Variants in GNB1 observed in about 807,000 individuals in gnomAD.
GNB1 encodes G protein subunit beta 1.
Under a neutral mutation model 42.9 loss-of-function variants are expected in GNB1, and 2 were observed. The observed-to-expected ratio is 0.05, with a 90% CI of 0.02 to 0.15. The LOEUF (loss-of-function observed/expected upper bound fraction) is 0.15, where lower values mean the gene tolerates loss of function less well. Among genes scored for constraint, GNB1 ranks in the 10% least tolerant of loss-of-function variants. The pLI is 1.00. For synonymous variants in GNB1, 183 were observed against 174.7 expected, an observed-to-expected ratio of 1.05 and a Z score of -0.38; for missense variants, 193 against 462.2, an observed-to-expected ratio of 0.42 and a Z score of 5.34.
At chr1:1,888,569 G>A (rs1435339258) in intron 1 of GNB1, among the ~76,000 whole-genome samples, 4 of 152,172 alleles carry the variant, frequency 2.6e-5, no homozygotes, top group East Asian at 3.8e-4. Flanking sequence ...TGGGCGCGGT[G>A]GCTCACGCTC....
chr1:1,790,990 C>CT lies in GNB1; in HGVS notation c.498-395dup, dbSNP rs1390425432. Among the ~76,000 whole-genome samples, 4 of 152,202 alleles carry CT rather than the reference C, an allele frequency of 2.6e-5. No individual in the cohort carries two copies. The highest frequency in any genetic ancestry group is 1.3e-4 in the Admixed American group (2 of 15,284). On this transcript the variant is annotated intron_variant, in intron 8 of 11. Transcript: ENST00000378609. This position sits in a 1 kb window ranked among gnomAD's most constrained non-coding sequence, Gnocchi z 5.4. ...CCTGGATGGCGGAGGGGACGCGACT[C>CT]TATCTGTGGCTGCTCCCTCTGTGCC...
intron 1 of GNB1, among the ~76,000 whole-genome samples, chr1:1,854,263 T>C (rs1353244651): frequency 2.0e-5 from 3 of 152,216 alleles, no homozygotes; most frequent in Non-Finnish European, 4.4e-5. Flanking sequence ...TGGAGAAATC[T>C]GAGCGGGGTC....
intron 5 of GNB1, among the ~76,000 whole-genome samples, chr1:1,815,421 T>C (rs980175262): frequency 3.3e-5 from 5 of 152,132 alleles, no homozygotes; most frequent in African/African-American, 1.2e-4. Flanking sequence ...GAGAGGTAAC[T>C]TCCCCAAGTT....
intron 5 of GNB1, among the ~76,000 whole-genome samples, chr1:1,808,134 A>T (rs1646726788): frequency 6.6e-6 from 1 of 151,992 alleles, no homozygotes; most frequent in African/African-American, 2.4e-5. Context: ...CCTCCAAAGT[A>T]GCTGGGATTA....
At chr1:1,845,667 T>C (rs1364226990) in intron 1 of GNB1, among the ~76,000 whole-genome samples, 3 of 151,912 alleles carry the variant, frequency 2.0e-5, no homozygotes, top group Non-Finnish European at 2.9e-5. Flanking sequence ...AGCGAAGATA[T>C]GGTTATTTGG....
At chr1:1,846,529 T>C (rs1647676927) in intron 1 of GNB1, among the ~76,000 whole-genome samples, 1 of 152,132 alleles carries the variant, frequency 6.6e-6, no homozygotes, top group African/African-American at 2.4e-5. Context: ...ATCATGCCAC[T>C]GCACTCCAGG....
At chr1:1,838,031 C>T (rs1291388658) in intron 2 of GNB1, among the ~76,000 whole-genome samples, 4 of 151,948 alleles carry the variant, frequency 2.6e-5, no homozygotes, top group African/African-American at 7.2e-5. Flanking sequence ...GGTGAAACCC[C>T]GTCTCTACTA....
At chr1:1,887,859 C>A (rs1388081155) in intron 1 of GNB1, among the ~76,000 whole-genome samples, 3 of 152,238 alleles carry the variant, frequency 2.0e-5, no homozygotes, top group Non-Finnish European at 2.9e-5. Context: ...ATGTGATCCG[C>A]CCGCCTCCAC....
intron 1 of GNB1, among the ~76,000 whole-genome samples, chr1:1,876,492 C>CGAGAGAGAGAGAGAGAGAGAGA (rs35226472): frequency 5.0e-4 from 74 of 147,924 alleles, no homozygotes; most frequent in African/African-American, 1.8e-3. Flanking sequence ...CATGTGCACA[C>CGAGAGAGAGAGAGAGAGAGAGA]GAGAGAGAGA....
Position 1,790,397 on chromosome 1 carries a change from A to C in GNB1, c.697T>G (p.Cys233Gly). The C allele has an allele frequency of 6.2e-7, 1 of 1,610,676 alleles. No homozygotes were observed. Among genetic ancestry groups the C allele is most frequent in the Non-Finnish European group, 8.5e-7 (1 of 1,176,812 alleles). The part of the protein sequence containing the change: ...TGHESDINAI[C>G]FFPNGNAFAT... ...CCCACACCTCCACCCAGACTCACGC[A>C]AATGGCATTGATGTCAGACTCGTGG... is the stretch of plus-strand genomic sequence containing the variant. Residue 233 changes from cysteine to glycine, a missense_variant and splice_region_variant, in exon 9 of 12, where the codon TGC becomes GGC. By Grantham distance (159) the Cys-to-Gly change is radical. Around this residue, in one of 2 missense-constraint regions of GNB1, gnomAD observed 150 missense variants for 410.8 expected, o/e 0.37. Transcript: ENST00000378609. The surrounding 1 kb of genome is among the most constrained non-coding windows in gnomAD (Gnocchi z 5.4).
At chr1:1,792,180 C>T (rs1392077635) in intron 8 of GNB1, among the ~76,000 whole-genome samples, 4 of 152,054 alleles carry the variant, frequency 2.6e-5, no homozygotes, top group East Asian at 1.9e-4. Context: ...AGTGGGCTTC[C>T]GTTTACCTGT....
intron 2 of GNB1, among the ~76,000 whole-genome samples, chr1:1,833,738 A>T (rs1315421247): frequency 8.5e-5 from 13 of 152,204 alleles, no homozygotes; most frequent in Admixed American, 7.9e-4. Context: ...TGACCTTGCT[A>T]ATGGGCCAAC....
At chr1:1,851,135 C>A (rs1311624406) in intron 1 of GNB1, among the ~76,000 whole-genome samples, 1 of 152,002 alleles carries the variant, frequency 6.6e-6, no homozygotes, top group African/African-American at 2.4e-5. Context: ...AGGCGCCAGG[C>A]GCGGAGGCTC....
intron 1 of GNB1, among the ~76,000 whole-genome samples, chr1:1,872,245 T>G (rs1490321895): frequency 1.3e-5 from 2 of 152,158 alleles, no homozygotes; most frequent in Non-Finnish European, 2.9e-5. Flanking sequence ...CCCAAACTGT[T>G]AGGACTATAA....
intron 2 of GNB1, among the ~76,000 whole-genome samples, chr1:1,834,205 G>A (rs1283069622): frequency 1.3e-5 from 2 of 152,064 alleles, no homozygotes; most frequent in African/African-American, 4.8e-5. Context: ...GCCCTCAGAA[G>A]GCAATTCTCC....
At chr1:1,834,491 T>C (rs751600097) in intron 2 of GNB1, among the ~76,000 whole-genome samples, 17 of 152,108 alleles carry the variant, frequency 1.1e-4, no homozygotes, top group Middle Eastern at 3.2e-3. Flanking sequence ...TCTTCAAACA[T>C]GTTGAGGCCA....
At chr1:1,851,793 C>T (rs148796517) in intron 1 of GNB1, among the ~76,000 whole-genome samples, 2,241 of 152,294 alleles carry the variant, frequency 0.015, 24 homozygotes, top group Middle Eastern at 0.027. Flanking sequence ...CCTATAATCC[C>T]AGCACTTTGG....
intron 1 of GNB1, among the ~76,000 whole-genome samples, chr1:1,880,897 G>C (rs200766231): frequency 7.0e-6 from 1 of 142,550 alleles, no homozygotes; most frequent in Non-Finnish European, 1.5e-5. Context: ...CTTAGAAGAA[G>C]TGGGAAGAGC....
In GNB1 at chr1:1,832,896, T is replaced by C. The variant is rs183345061; in HGVS notation, c.-47+6294A>G. 1.2e-3 allele frequency among the ~76,000 whole-genome samples: 177 copies of C among 152,330 alleles called. 1 individual carries two copies. Among genetic ancestry groups the C allele is most frequent in the Non-Finnish European group, 3.5e-4 (24 of 68,026 alleles). ...TTAATTCAAAATGGGAATGGTGTTA[T>C]CTATATCACAGAGCTAAAATGAAAA... is the stretch of plus-strand genomic sequence containing the variant. On this transcript the variant is annotated intron_variant, in intron 2 of 11. Coordinates refer to ENST00000378609, the MANE Select transcript of GNB1 (RefSeq NM_002074.5).
Sources: gnomAD v4.1 joint callset for allele counts (sites outside exome capture counted in the v4.1 genomes callset) on GRCh38, gnomAD v4.1.1 for gene constraint, gnomAD v4.1.1 regional missense constraint, Gnocchi (gnomAD v3.1) non-coding constraint, MANE v1.5 for transcripts, NCBI Gene and HGNC (gene_info 2026-07-23, HGNC 2026-07-21) for gene names.